GRM7: variants seen among roughly 807,000 people sequenced by gnomAD.
GRM7 encodes metabotropic glutamate receptor 7.
Under a neutral mutation model 84.5 loss-of-function variants are expected in GRM7, and 35 were observed. The ratio of observed to expected loss-of-function variants is 0.41; its 90% CI spans 0.32 to 0.55. The LOEUF is 0.55. Among genes scored for constraint, GRM7 ranks in the 20% least tolerant of loss-of-function variants. The pLI is 0.19. For missense variants in GRM7, 1,003 were observed against 1,194.6 expected, an observed-to-expected ratio of 0.84 and a Z score of 2.36; for synonymous variants, 487 against 455.1, an observed-to-expected ratio of 1.07 and a Z score of -0.89.
chr3:7,375,270 G>C (rs559775754), intron 4 of GRM7, among the ~76,000 whole-genome samples: 2 of 138,308 alleles, frequency 1.4e-5, no homozygotes, highest in African/African-American at 5.6e-5. Flanking sequence ...CCAGGCCAAA[G>C]TGCAGTAGTA....
At chr3:7,383,931 C>T (rs1038965612) in intron 4 of GRM7, among the ~76,000 whole-genome samples, 1 of 152,156 alleles carries the variant, frequency 6.6e-6, no homozygotes, top group Non-Finnish European at 1.5e-5. Flanking sequence ...TTAAAATTCT[C>T]ACTAGGTAGA....
chr3:7,310,527 C>G (rs953783559), intron 4 of GRM7, among the ~76,000 whole-genome samples: 1 of 152,074 alleles, frequency 6.6e-6, no homozygotes, highest in South Asian at 2.1e-4. Context: ...CTACCTGTGT[C>G]ACAGGGTTTC....
chr3:7,426,025 G>C (rs924014181), intron 5 of GRM7, among the ~76,000 whole-genome samples: 1 of 152,168 alleles, frequency 6.6e-6, no homozygotes, highest in Non-Finnish European at 1.5e-5. Context: ...TAAAAGTATA[G>C]ATTGGTGCTA....
chr3:7,420,511 G>C (rs17047313), intron 5 of GRM7, among the ~76,000 whole-genome samples: 4,622 of 152,156 alleles, frequency 0.03, 248 homozygotes, highest in African/African-American at 0.11. Context: ...CTTAAACAGA[G>C]GCTTGCCACA....
At chr3:7,695,924 A>T (rs559985779) in intron 9 of GRM7, among the ~76,000 whole-genome samples, 14 of 152,294 alleles carry the variant, frequency 9.2e-5, no homozygotes, top group East Asian at 7.7e-4. Context: ...AATTAATGAG[A>T]ATTAAATAAT....
rs543058580 is a variant in GRM7, at chr3:6,945,548, C to T, written c.519+83641C>T. Reference sequence around the variant, plus strand: ...ACATGTGCATGTGTCTTTATAGCAGCATGATTTATAATCCTTTGGGTATAT... The same window carrying T: ...ACATGTGCATGTGTCTTTATAGCAGTATGATTTATAATCCTTTGGGTATAT... On this transcript the variant is annotated intron_variant, in intron 1 of 9. Transcript: ENST00000357716. Among the ~76,000 whole-genome samples, 11 of 152,046 alleles carry T rather than the reference C, an allele frequency of 7.2e-5. No homozygotes were observed. The South Asian group carries it at 1.9e-3, about 26-fold the overall frequency.
rs1007420673 is a variant in GRM7, at chr3:7,200,069, G to T, written c.736+53401G>T. On this transcript the variant is annotated intron_variant, in intron 2 of 9. Transcript: ENST00000357716. ...CATGGTAAAATGGCGAAGTGAATGG[G>T]CATATGCCAGGGGATCACATGGTGA... is the stretch of plus-strand genomic sequence containing the variant. 3.3e-5 allele frequency among the ~76,000 whole-genome samples: 5 copies of T among 152,212 alleles called. No individual in the cohort carries two copies. The South Asian group carries it at 6.2e-4, about 19-fold the overall frequency.
intron 1 of GRM7, among the ~76,000 whole-genome samples, chr3:7,120,960 C>T (rs893611954): frequency 1.3e-5 from 2 of 152,320 alleles, no homozygotes; most frequent in South Asian, 2.1e-4. Flanking sequence ...ACCTGTATCG[C>T]ATCACTTACA....
chr3:7,726,196 C>T (rs1023996736), intron 9 of GRM7, among the ~76,000 whole-genome samples: 2 of 151,952 alleles, frequency 1.3e-5, no homozygotes, highest in Admixed American at 6.6e-5. Context: ...AGGAGAGTCA[C>T]CCCTTAGAGG....
intron 1 of GRM7, among the ~76,000 whole-genome samples, chr3:7,129,525 A>G (rs1693520617): frequency 6.6e-6 from 1 of 152,216 alleles, no homozygotes; most frequent in Non-Finnish European, 1.5e-5. Context: ...TATTTTGGAC[A>G]ATGGTATATA....
At chr3:7,224,534 A>G (rs953244752) in intron 2 of GRM7, among the ~76,000 whole-genome samples, 3 of 152,216 alleles carry the variant, frequency 2.0e-5, no homozygotes, top group Non-Finnish European at 2.9e-5. Context: ...TGGCCCTTGT[A>G]GATGCCACTG....
chr3:7,368,821 C>T (rs893740180), intron 4 of GRM7, among the ~76,000 whole-genome samples: 21 of 152,200 alleles, frequency 1.4e-4, no homozygotes, highest in African/African-American at 4.6e-4. Context: ...TGATTCCCAT[C>T]GTATCTCTAA....
intron 7 of GRM7, among the ~76,000 whole-genome samples, chr3:7,562,577 A>T (rs1287641292): frequency 3.9e-5 from 6 of 152,138 alleles, no homozygotes; most frequent in Non-Finnish European, 8.8e-5. Context: ...CCAAGAACAA[A>T]GAAAGCCTGA....
At chr3:7,477,239 G>A (rs1698958950) in intron 7 of GRM7, among the ~76,000 whole-genome samples, 2 of 152,004 alleles carry the variant, frequency 1.3e-5, no homozygotes, top group African/African-American at 2.4e-5. Flanking sequence ...ACTCAAAAGA[G>A]CAAGATACTC....
chr3:7,620,127 A>C (rs1306469170), intron 8 of GRM7, among the ~76,000 whole-genome samples: 1 of 152,046 alleles, frequency 6.6e-6, no homozygotes, highest in African/African-American at 2.4e-5. Flanking sequence ...ATGGTTAGAA[A>C]GATGGTTAAG....
At chr3:6,879,752 C>T (rs916427708) in intron 1 of GRM7, among the ~76,000 whole-genome samples, 8 of 152,110 alleles carry the variant, frequency 5.3e-5, no homozygotes, top group Admixed American at 1.3e-4. Flanking sequence ...AATTCAGTAT[C>T]GATTTATAAT....
At chr3:7,588,564 G>T (rs531049277) in intron 8 of GRM7, among the ~76,000 whole-genome samples, 1 of 152,160 alleles carries the variant, frequency 6.6e-6, no homozygotes, top group Non-Finnish European at 1.5e-5. Context: ...TCCCATCTAA[G>T]TCTCATGTAC....
chr3:6,982,130 A>C (rs1413493342), intron 1 of GRM7, among the ~76,000 whole-genome samples: 1 of 152,178 alleles, frequency 6.6e-6, no homozygotes, highest in Non-Finnish European at 1.5e-5. Context: ...AAAGAACAAA[A>C]TCATGTGCTT....
rs140438915 is a variant in GRM7, at chr3:7,041,858, G to A, written c.520-104594G>A. Among the ~76,000 whole-genome samples, 760 of 152,290 alleles carry A rather than the reference G, an allele frequency of 5.0e-3. 2 individuals carry two copies. Among genetic ancestry groups the A allele is most frequent in the Non-Finnish European group, 7.8e-3 (533 of 68,028 alleles). On this transcript the variant is annotated intron_variant, in intron 1 of 9. Transcript: ENST00000357716. The stretch of plus-strand genomic sequence containing the variant: ...GTGGAATTTTAAGCCCCTTCTGCTC[G>A]CCTCTAAGGAGGGGCAAGGGGGCAG...
Sources: allele counts gnomAD v4.1 joint callset (sites outside exome capture counted in the v4.1 genomes callset), GRCh38; gene constraint gnomAD v4.1.1; transcripts MANE v1.5; gene names NCBI Gene and HGNC (gene_info 2026-07-23, HGNC 2026-07-21).